Variants in XKR3 observed in about 807,000 individuals in gnomAD.
XKR3 encodes the protein XK-related protein 3.
Under a neutral mutation model 40.3 loss-of-function variants are expected in XKR3, and 27 were observed. The ratio of observed to expected loss-of-function variants is 0.67; its 90% confidence interval spans 0.49 to 0.92. XKR3 has a LOEUF of 0.92. Among genes scored for constraint, XKR3 ranks in the 40% least tolerant of loss-of-function variants. The probability of loss-of-function intolerance (pLI) is 0.00; values close to 1 mark genes in which losing one functional copy is unlikely to be tolerated. For missense variants in XKR3, 472 were observed against 537.6 expected (o/e 0.88, Z 1.21); for synonymous variants, 193 against 195.4 (o/e 0.99, Z 0.10).
chr22:16,795,447 G>T (rs1011838239), intron 3 of XKR3, among the ~76,000 whole-genome samples: 1 of 152,060 alleles, frequency 6.6e-6, no homozygotes, highest in Non-Finnish European at 1.5e-5. Flanking sequence ...CCTTCATCAA[G>T]AAGTTAGAAA....
rs565632952 is a variant in XKR3 at position 16,825,028 on chromosome 22, C to T, written c.-11+263G>A. Among the ~76,000 whole-genome samples, 4 of 152,260 alleles carry T rather than the reference C, an allele frequency of 2.6e-5. No homozygotes were observed. The East Asian group carries it at 5.8e-4, about 22-fold the overall frequency. On this transcript the variant is annotated intron_variant, in intron 1 of 3. Transcript: ENST00000684488. ...GCCCCTTTGAGATTTCACTTAAATACGAAGCACTTTCTCCTTCTGATGTTT... is the reference window on the plus strand; with the variant it reads ...GCCCCTTTGAGATTTCACTTAAATATGAAGCACTTTCTCCTTCTGATGTTT...
chr22:16,795,196 A>G (rs1402003905), intron 3 of XKR3, among the ~76,000 whole-genome samples: 1 of 152,168 alleles, frequency 6.6e-6, no homozygotes, highest in Non-Finnish European at 1.5e-5. Flanking sequence ...CAAATCACAC[A>G]AAGCACACAC....
intron 1 of XKR3, among the ~76,000 whole-genome samples, chr22:16,815,091 G>T (rs73159896): frequency 0.12 from 18,794 of 151,968 alleles, 1,459 homozygotes; most frequent in East Asian, 0.37. Context: ...TAGATTTGGG[G>T]TTTGTGTAGA....
rs374335525 is a variant in XKR3, at chr22:16,808,194, G to A, written c.-10-111C>T. 9.2e-6 allele frequency: 7 copies of A among 761,230 alleles called. No homozygotes were observed. The East Asian group carries it at 1.8e-4, about 19-fold the overall frequency. The allele number at this position is 761,230 out of a possible 1,614,324, so 47.2% of individuals were successfully genotyped here. A position where few individuals can be genotyped will look rare whatever the true frequency, so the allele number is the denominator to read the frequency against. On this transcript the variant is annotated intron_variant, in intron 1 of 3. Coordinates refer to ENST00000684488, the MANE Select transcript of XKR3 (RefSeq NM_001386955.1). ...CACTATTCATAGAAAATGTTAACAG[G>A]TAGATATGGATCACTAATCAGAATA... is the stretch of plus-strand genomic sequence containing the variant.
chr22:16,812,797 C>T (rs1230760286), intron 1 of XKR3, among the ~76,000 whole-genome samples: 1 of 152,156 alleles, frequency 6.6e-6, no homozygotes, highest in Non-Finnish European at 1.5e-5. Flanking sequence ...AAACTCTGTA[C>T]CATTAGCATT....
rs1272033818 is a variant in XKR3, at chr22:16,784,833, A to G, written c.590-424T>C. Among the ~76,000 whole-genome samples, 51 of 152,364 alleles carry G rather than the reference A, an allele frequency of 3.3e-4. 1 individual carries two copies. The highest frequency in any genetic ancestry group is 1.5e-3 in the Admixed American group (23 of 15,310). On this transcript the variant is annotated intron_variant, in intron 3 of 3. Transcript: ENST00000684488. ...TCTTTATAGAAAGTTAAGAGTGTTA[A>G]CTAGGAAGTTAGCATGTGAAATAGG...
chr22:16,805,581 G>C (rs550387078), intron 2 of XKR3, among the ~76,000 whole-genome samples: 1 of 152,032 alleles, frequency 6.6e-6, no homozygotes, highest in South Asian at 2.1e-4. Context: ...ATATTTGGCA[G>C]AAACAATCAA....
intron 3 of XKR3, among the ~76,000 whole-genome samples, chr22:16,788,222 A>G (rs2146140957): frequency 6.6e-6 from 1 of 152,280 alleles, no homozygotes; most frequent in South Asian, 2.1e-4. Flanking sequence ...CATTACACAG[A>G]AAATACCATA....
At chr22:16,793,003 T>C (rs2060126617) in intron 3 of XKR3, among the ~76,000 whole-genome samples, 1 of 152,208 alleles carries the variant, frequency 6.6e-6, no homozygotes, top group South Asian at 2.1e-4. Context: ...CTATTTTTTA[T>C]TTTTTATTTT....
intron 3 of XKR3, among the ~76,000 whole-genome samples, chr22:16,785,638 GTGTA>G (rs772404831): frequency 2.6e-5 from 4 of 152,056 alleles, no homozygotes; most frequent in Non-Finnish European, 5.9e-5. Context: ...GCTGAGGTGG[GTGTA>G]TCAAGAGGTC....
intron 3 of XKR3, among the ~76,000 whole-genome samples, chr22:16,787,876 A>G (rs1217805566): frequency 3.9e-5 from 6 of 152,134 alleles, no homozygotes; most frequent in African/African-American, 1.4e-4. Context: ...GGAGAAAAAA[A>G]CTACAAGGTA....
intron 1 of XKR3, among the ~76,000 whole-genome samples, chr22:16,813,745 C>T (rs989640142): frequency 6.6e-6 from 1 of 152,112 alleles, no homozygotes; most frequent in Non-Finnish European, 1.5e-5. Context: ...GAGAAACTAC[C>T]AGACTGTTTT....
At position 16,784,025 on chromosome 22, in the gene XKR3, A is replaced by C; in HGVS notation, c.974T>G (p.Val325Gly). The C allele has an allele frequency of 6.2e-7, 1 of 1,614,206 alleles. No homozygotes were observed. The highest frequency in any genetic ancestry group is 8.5e-7 in the Non-Finnish European group (1 of 1,180,040). ...TTTGTCATCTGACAACTGCAGTTTC[A>C]CTGCTGACCAGCAGGAGAAGTTGAT... The part of the protein sequence containing the change: ...AAINFSCWSA[V>G]KLQLSDDKII... The change falls in exon 4 of 4, where the codon GTG becomes GGG. Residue 325 changes from valine (V) to glycine (G), a missense_variant. Coordinates refer to ENST00000684488, the MANE Select transcript of XKR3 (RefSeq NM_001386955.1).
At chr22:16,793,376 T>G (rs1471207551) in intron 3 of XKR3, among the ~76,000 whole-genome samples, 1 of 152,216 alleles carries the variant, frequency 6.6e-6, no homozygotes, top group African/African-American at 2.4e-5. Flanking sequence ...AGTGCAGACA[T>G]GTTCAATGTA....
At chr22:16,806,743 T>C (rs529616663) in intron 2 of XKR3, among the ~76,000 whole-genome samples, 1 of 152,278 alleles carries the variant, frequency 6.6e-6, no homozygotes, top group Admixed American at 6.5e-5. Context: ...CAACCTACAG[T>C]TAAGTTTTAA....
At chr22:16,811,069 G>A (rs547381486) in intron 1 of XKR3, among the ~76,000 whole-genome samples, 11 of 151,004 alleles carry the variant, frequency 7.3e-5, no homozygotes, top group Non-Finnish European at 1.5e-4. Context: ...AAAACAATAC[G>A]TGATATATTT....
chr22:16,812,325 A>C (rs1472951721), intron 1 of XKR3, among the ~76,000 whole-genome samples: 1 of 152,164 alleles, frequency 6.6e-6, no homozygotes, highest in Non-Finnish European at 1.5e-5. Context: ...ACTTTAACCA[A>C]GATTTAAACA....
At chr22:16,796,959 G>C (rs1207500189) in intron 3 of XKR3, among the ~76,000 whole-genome samples, 1 of 152,080 alleles carries the variant, frequency 6.6e-6, no homozygotes, top group Non-Finnish European at 1.5e-5. Context: ...CTTAGCACTG[G>C]GGCAAAAATA....
chr22:16,789,893 T>A (rs970752596), intron 3 of XKR3, among the ~76,000 whole-genome samples: 7 of 152,160 alleles, frequency 4.6e-5, no homozygotes, highest in African/African-American at 1.7e-4. Flanking sequence ...GTCTCTTCAA[T>A]AAGTGGTGCT....
Sources: gnomAD v4.1 joint callset for allele counts (sites outside exome capture counted in the v4.1 genomes callset) on GRCh38, gnomAD v4.1.1 for gene constraint, MANE v1.5 for transcripts, NCBI Gene and HGNC (gene_info 2026-07-23, HGNC 2026-07-21) for gene names.